The following TARBP1 variants were observed in gnomAD, a reference collection of about 807,000 sequenced individuals.
The protein encoded by TARBP1 is tRNA (guanosine(18)-2'-O)-methyltransferase TARBP1.
TARBP1 carries 144 observed loss-of-function variants against 178.6 expected under a neutral mutation model. That is an observed-to-expected ratio of 0.81 (90% CI 0.70 to 0.93). The LOEUF is 0.93. TARBP1 is among the 40% of genes least tolerant of loss of function. The pLI is 0.00. For synonymous variants in TARBP1, 787 were observed against 781.0 expected, an observed-to-expected ratio of 1.01 and a Z score of -0.13; for missense variants, 2,067 against 2,011.7, an observed-to-expected ratio of 1.03 and a Z score of -0.53.
intron 2 of TARBP1, among the ~76,000 whole-genome samples, chr1:234,471,881 G>T (rs1314460201): frequency 6.6e-6 from 1 of 151,956 alleles, no homozygotes; most frequent in African/African-American, 2.4e-5. Flanking sequence ...AATTATTTAA[G>T]TCCACAAACA....
In TARBP1 at chr1:234,459,210, G is replaced by A. The variant is rs541560108; in HGVS notation, c.1632+20C>T. 1.3e-4 allele frequency: 214 copies of A among 1,591,752 alleles called. No individual in the cohort carries two copies. Among genetic ancestry groups the A allele is most frequent in the Non-Finnish European group, 1.7e-4 (203 of 1,166,586 alleles). ...CACTAAGAAAGACTTGTAAATGGAAGTAACAAAAGAAAAACTTACCACATC... is the reference window on the plus strand; with the variant it reads ...CACTAAGAAAGACTTGTAAATGGAAATAACAAAAGAAAAACTTACCACATC... On this transcript the variant is annotated intron_variant, in intron 8 of 29. Coordinates refer to ENST00000040877, the MANE Select transcript of TARBP1 (RefSeq NM_005646.4).
chr1:234,391,790 A>G (rs1235559525), intron 29 of TARBP1, 45 bp from the exon 30 acceptor site: 1 of 1,567,578 alleles, frequency 6.4e-7, no homozygotes, highest in East Asian at 2.3e-5. Context: ...TGTAACAAAC[A>G]ATTTTTCTCT....
At chr1:234,406,905 G>A (rs1661302413) in intron 23 of TARBP1, 2 of 152,200 alleles carry the variant, frequency 1.3e-5, no homozygotes, top group African/African-American at 4.8e-5. Flanking sequence ...CTTACCGGCT[G>A]CGCCTGGCAG....
At chr1:234,428,497 T>C (rs930336854) in intron 17 of TARBP1, among the ~76,000 whole-genome samples, 1 of 152,140 alleles carries the variant, frequency 6.6e-6, no homozygotes, top group Non-Finnish European at 1.5e-5. Flanking sequence ...ATGACCAGTG[T>C]TGCTAGATTA....
In TARBP1 at chr1:234,469,077, T is replaced by TAAAAAAAAA. The variant is rs1327979551; in HGVS notation, c.1100-1436_1100-1428dup. ...GTTTTTGCCTTTTTTTTTTTTTTTT[T>TAAAAAAAAA]AAAAAAAAAAAAAAGGCAAAAACCG... On this transcript the variant is annotated intron_variant, in intron 3 of 29. Transcript: ENST00000040877. Among the ~76,000 whole-genome samples the TAAAAAAAAA allele has an allele frequency of 7.8e-3, 500 of 63,792 alleles. 7 individuals carry two copies. Among genetic ancestry groups the TAAAAAAAAA allele is most frequent in the Middle Eastern group, 0.031 (2 of 64 alleles). 41.9% of individuals were successfully genotyped at this position (63,792 alleles called of 152,430 possible).
intron 26 of TARBP1, among the ~76,000 whole-genome samples, chr1:234,394,928 A>G (rs557764022): frequency 1.2e-4 from 19 of 152,004 alleles, no homozygotes; most frequent in African/African-American, 4.3e-4. Flanking sequence ...CGACTCTACT[A>G]AAAATAACAC....
intron 9 of TARBP1, among the ~76,000 whole-genome samples, chr1:234,456,688 T>C (rs1667320871): frequency 6.6e-6 from 1 of 152,204 alleles, no homozygotes; most frequent in Non-Finnish European, 1.5e-5. Context: ...ATATGTATTA[T>C]TTTAAATACA....
intron 26 of TARBP1, among the ~76,000 whole-genome samples, chr1:234,394,220 T>C (rs1048248911): frequency 2.0e-5 from 3 of 152,210 alleles, no homozygotes; most frequent in African/African-American, 7.2e-5. Context: ...CAGCAGTATA[T>C]TAGATTGGGA....
Position 234,393,884 on chromosome 1 carries a change from C to T in TARBP1, c.4244-47G>A, listed in dbSNP as rs766634628. ...ATCCCACATATAAATAAATCTGAAT[C>T]TCTATATATTTATGTATACATGTAT... On this transcript the variant is annotated intron_variant, in intron 26 of 29. Coordinates refer to ENST00000040877, the MANE Select transcript of TARBP1 (RefSeq NM_005646.4). 2.2e-5 allele frequency: 31 copies of T among 1,415,000 alleles called. No individual in the cohort carries two copies. In the South Asian group the frequency reaches 3.6e-4, roughly 17 times the overall value. The allele number at this position is 1,415,000 out of a possible 1,614,324, so 87.7% of individuals were successfully genotyped here. A position where few individuals can be genotyped will look rare whatever the true frequency, so the allele number is the denominator to read the frequency against.
In TARBP1 at chr1:234,479,160, G is replaced by C. The variant is rs550388374; in HGVS notation, c.-57C>G. On this transcript the variant is annotated 5_prime_UTR_variant, in exon 1 of 30. In the 5' UTR this introduces an upstream ATG that the reference lacks. Transcript: ENST00000040877. ...CCCAAAGGAAGGCGCCGGCGTGTGC[G>C]ATGCGTGCGCACAGGACCGGCCGGC... The C allele has an allele frequency of 2.1e-6, 3 of 1,437,064 alleles. No individual in the cohort carries two copies. The highest frequency in any genetic ancestry group is 3.0e-5 in the African/African-American group (2 of 67,160). The allele number at this position is 1,437,064 out of a possible 1,614,324, so 89.0% of individuals were successfully genotyped here.
intron 1 of TARBP1, among the ~76,000 whole-genome samples, chr1:234,473,095 A>G (rs1057438073): frequency 2.0e-5 from 3 of 152,196 alleles, no homozygotes; most frequent in African/African-American, 7.2e-5. Flanking sequence ...AGGATTTTTC[A>G]AGGGCAAAAC....
At chr1:234,470,894 G>C (rs1056892387) in intron 3 of TARBP1, among the ~76,000 whole-genome samples, 1 of 152,090 alleles carries the variant, frequency 6.6e-6, no homozygotes, top group Non-Finnish European at 1.5e-5. Flanking sequence ...GGGATTACAG[G>C]CATAAGCCAC....
At position 234,457,665 on chromosome 1, in the gene TARBP1, A is replaced by G; in HGVS notation, c.1722+2T>C. 6.3e-7 allele frequency: 1 copy of G among 1,589,532 alleles called. No individual in the cohort carries two copies. Among genetic ancestry groups the G allele is most frequent in the African/African-American group, 1.4e-5 (1 of 73,838 alleles). ...ACTTTATTAAATTATCTTTAATCTCACCTCTGTCCACAATGAAGTTCCTCG... is the reference window on the plus strand; with the variant it reads ...ACTTTATTAAATTATCTTTAATCTCGCCTCTGTCCACAATGAAGTTCCTCG... On this transcript the variant is annotated splice_donor_variant, in intron 9 of 29. Coordinates refer to ENST00000040877, the MANE Select transcript of TARBP1 (RefSeq NM_005646.4). LOFTEE classifies it high-confidence loss of function.
chr1:234,472,308 G>A (rs116708576), intron 2 of TARBP1, among the ~76,000 whole-genome samples: 17,846 of 126,198 alleles, frequency 0.14, 1,586 homozygotes, highest in African/African-American at 0.28. Context: ...CAGCCTGGGC[G>A]AGAGAGCAAG....
intron 12 of TARBP1, among the ~76,000 whole-genome samples, chr1:234,445,222 T>C (rs1207963900): frequency 1.3e-5 from 2 of 152,140 alleles, no homozygotes; most frequent in Non-Finnish European, 2.9e-5. Context: ...TCCTCTTCTC[T>C]GGCTATAAAT....
chr1:234,454,632 A>G (rs748704547), intron 9 of TARBP1, among the ~76,000 whole-genome samples: 1 of 152,202 alleles, frequency 6.6e-6, no homozygotes, highest in Non-Finnish European at 1.5e-5. Flanking sequence ...AATCAAAATG[A>G]AACTGAAAAG....
At chr1:234,439,495 T>A (rs1456701885) in intron 12 of TARBP1, among the ~76,000 whole-genome samples, 1 of 152,054 alleles carries the variant, frequency 6.6e-6, no homozygotes, top group African/African-American at 2.4e-5. Flanking sequence ...GAATACTAAA[T>A]AATGTTCAAA....
intron 13 of TARBP1, among the ~76,000 whole-genome samples, chr1:234,436,378 A>G (rs1206684095): frequency 6.6e-6 from 1 of 152,222 alleles, no homozygotes; most frequent in Non-Finnish European, 1.5e-5. Flanking sequence ...ACCCACAAAA[A>G]TTAAAAATAA....
chr1:234,447,622 G>A (rs748874589), intron 11 of TARBP1, among the ~76,000 whole-genome samples: 7 of 151,472 alleles, frequency 4.6e-5, no homozygotes, highest in East Asian at 3.9e-4. Flanking sequence ...AACCAACTTC[G>A]GTACAAAATC....
Sources: allele counts gnomAD v4.1 joint callset (sites outside exome capture counted in the v4.1 genomes callset), GRCh38; gene constraint gnomAD v4.1.1; transcripts MANE v1.5; gene names NCBI Gene and HGNC (gene_info 2026-07-23, HGNC 2026-07-21).